LINGO2: variants seen among roughly 807,000 people sequenced by gnomAD.
LINGO2 encodes the protein leucine rich repeat and Ig domain containing 2, also known as leucine-rich repeat and immunoglobulin-like domain-containing nogo receptor-interacting protein 2.
A neutral mutation model predicts 30.6 loss-of-function variants in LINGO2; 14 were observed. The observed-to-expected ratio is 0.46, with a 90% CI of 0.30 to 0.72. The LOEUF is 0.72. LINGO2 is among the 30% of genes least tolerant of loss of function. The probability of loss-of-function intolerance (pLI) is 0.07; values close to 1 mark genes in which losing one functional copy is unlikely to be tolerated. For missense variants in LINGO2, 729 were observed against 751.7 expected, an observed-to-expected ratio of 0.97 and a Z score of 0.35; for synonymous variants, 317 against 288.5, an observed-to-expected ratio of 1.10 and a Z score of -1.00.
At position 28,334,161 on chromosome 9, in the gene LINGO2, T is replaced by C. The variant is rs10968517; in HGVS notation, c.-246+38675A>G. On this transcript the variant is annotated intron_variant, in intron 3 of 5. Transcript: ENST00000379992. Reference sequence around the variant, plus strand: ...GGTGAATGTTGTGGACACATACATGTTACCTACTGTAAGAAATTTAATGAA... The same window carrying C: ...GGTGAATGTTGTGGACACATACATGCTACCTACTGTAAGAAATTTAATGAA... 6.4e-3 allele frequency among the ~76,000 whole-genome samples: 977 copies of C among 152,214 alleles called. 68 individuals are homozygous for C. The East Asian group carries it at 0.15, about 23-fold the overall frequency.
At chr9:29,066,286 T>A in the LINGO2 span, among the ~76,000 whole-genome samples, 1 of 151,916 alleles carries the variant, frequency 6.6e-6, no homozygotes, top group Non-Finnish European at 1.5e-5. Context: ...CAGTGATACG[T>A]CGCAAGAGAA....
chr9:28,672,678 T>C (rs943074880), upstream of LINGO2, among the ~76,000 whole-genome samples: 2 of 152,192 alleles, frequency 1.3e-5, no homozygotes, highest in South Asian at 2.1e-4. Flanking sequence ...AAAATATATA[T>C]GGAATGTGAA....
rs182709366 is a variant in LINGO2, at chr9:28,238,312, T to C, written c.-87+56896A>G. ...AGACCAAATGAACCTAATAGATATATACAGAACATTTCATCCAACAGCTGC... is the reference window on the plus strand; with the variant it reads ...AGACCAAATGAACCTAATAGATATACACAGAACATTTCATCCAACAGCTGC... On this transcript the variant is annotated intron_variant, in intron 4 of 5. Transcript: ENST00000379992. 3.5e-3 allele frequency among the ~76,000 whole-genome samples: 531 copies of C among 152,228 alleles called. 5 individuals are homozygous for C. Among genetic ancestry groups the C allele is most frequent in the African/African-American group, 0.012 (500 of 41,544 alleles).
intron 5 of LINGO2, among the ~76,000 whole-genome samples, chr9:28,003,844 A>G (rs551321427): frequency 1.2e-4 from 19 of 152,320 alleles, no homozygotes; most frequent in African/African-American, 4.6e-4. Context: ...GAACCTAACA[A>G]CATTAAGTGA....
chr9:28,885,658 A>T, the LINGO2 span, among the ~76,000 whole-genome samples: 1 of 152,092 alleles, frequency 6.6e-6, no homozygotes, highest in African/African-American at 2.4e-5. Flanking sequence ...GATTTTTACA[A>T]GAACTGGTGC....
At chr9:27,988,329 T>C (rs1394619988) in intron 5 of LINGO2, among the ~76,000 whole-genome samples, 1 of 152,070 alleles carries the variant, frequency 6.6e-6, no homozygotes, top group African/African-American at 2.4e-5. Context: ...TGTGTCTTTA[T>C]AGCAGCATGA....
At chr9:28,189,985 A>C (rs1819760089) in intron 4 of LINGO2, among the ~76,000 whole-genome samples, 1 of 152,088 alleles carries the variant, frequency 6.6e-6, no homozygotes, top group Non-Finnish European at 1.5e-5. Flanking sequence ...GAACAGGAAT[A>C]CTTAGACAGG....
chr9:29,091,243 A>C, the LINGO2 span, among the ~76,000 whole-genome samples: 1 of 152,024 alleles, frequency 6.6e-6, no homozygotes, highest in Non-Finnish European at 1.5e-5. Context: ...TTGACAGCTG[A>C]AATAGTTACT....
chr9:28,536,530 T>C (rs1412987132), intron 1 of LINGO2, among the ~76,000 whole-genome samples: 5 of 151,994 alleles, frequency 3.3e-5, no homozygotes, highest in African/African-American at 7.2e-5. Flanking sequence ...TGAGAGAAAC[T>C]TGAATAAGCA....
chr9:28,314,583 G>C (rs1223053510), intron 3 of LINGO2, among the ~76,000 whole-genome samples: 1 of 152,152 alleles, frequency 6.6e-6, no homozygotes, highest in Non-Finnish European at 1.5e-5. Context: ...GCCAGAGCTA[G>C]GCTTTTGTTG....
chr9:28,224,488 T>C (rs1289893089), intron 4 of LINGO2, among the ~76,000 whole-genome samples: 1 of 152,180 alleles, frequency 6.6e-6, no homozygotes, highest in Admixed American at 6.5e-5. Context: ...GCCACAAATA[T>C]TTACCTTTTC....
At chr9:29,103,700 A>C in the LINGO2 span, among the ~76,000 whole-genome samples, 1 of 152,140 alleles carries the variant, frequency 6.6e-6, no homozygotes, top group Non-Finnish European at 1.5e-5. Flanking sequence ...TCTTGTCCTA[A>C]AGGAGCTTGC....
At chr9:28,467,285 C>T (rs1007687317) in intron 2 of LINGO2, among the ~76,000 whole-genome samples, 9 of 152,004 alleles carry the variant, frequency 5.9e-5, no homozygotes, top group African/African-American at 2.2e-4. Context: ...CCTCGGCCTC[C>T]CAAAGTGCTG....
At chr9:28,672,495 A>G (rs562040774), upstream of LINGO2, among the ~76,000 whole-genome samples, 1 of 152,284 alleles carries the variant, frequency 6.6e-6, no homozygotes, top group South Asian at 2.1e-4. Context: ...ACACTGTCAC[A>G]CTTTGCCACC....
intron 4 of LINGO2, among the ~76,000 whole-genome samples, chr9:28,022,913 T>G (rs1197914): frequency 1.3e-5 from 2 of 151,784 alleles, no homozygotes; most frequent in Admixed American, 6.6e-5. Flanking sequence ...CTATTGTGAC[T>G]TATCTTAAAA....
At chr9:28,252,098 C>A (rs948127542) in intron 4 of LINGO2, among the ~76,000 whole-genome samples, 7 of 152,066 alleles carry the variant, frequency 4.6e-5, no homozygotes, top group Non-Finnish European at 8.8e-5. Context: ...TGATAATTTT[C>A]AGAAGAAGCA....
chr9:29,166,408 C>T, the LINGO2 span, among the ~76,000 whole-genome samples: 3 of 152,020 alleles, frequency 2.0e-5, no homozygotes. Context: ...AAGACAGAAA[C>T]CATCTTGGAC....
At chr9:29,045,048 A>C in the LINGO2 span, among the ~76,000 whole-genome samples, 1 of 152,034 alleles carries the variant, frequency 6.6e-6, no homozygotes, top group Non-Finnish European at 1.5e-5. Context: ...TGCCTACCTG[A>C]TGAGATTTTT....
intron 4 of LINGO2, among the ~76,000 whole-genome samples, chr9:28,030,685 CAT>C (rs1193674952): frequency 2.6e-5 from 4 of 152,200 alleles, no homozygotes; most frequent in Non-Finnish European, 2.9e-5. Context: ...CTGAGTTACT[CAT>C]ATTCTCAGAA....
Sources: allele counts gnomAD v4.1 joint callset (sites outside exome capture counted in the v4.1 genomes callset), GRCh38; gene constraint gnomAD v4.1.1; transcripts MANE v1.5; gene names NCBI Gene and HGNC (gene_info 2026-07-23, HGNC 2026-07-21).